Variants in CCT6B observed in about 807,000 individuals in gnomAD.
CCT6B encodes chaperonin containing TCP1 subunit 6B.
A neutral mutation model predicts 61.5 loss-of-function variants in CCT6B; 49 were observed. The observed-to-expected ratio is 0.80, with a 90% CI of 0.63 to 1.01. The LOEUF (loss-of-function observed/expected upper bound fraction) is 1.01. Ranked by LOEUF, CCT6B falls within the 50% of genes least tolerant of loss-of-function variation. The pLI is 0.00. For synonymous variants in CCT6B, 228 were observed against 214.5 expected (o/e 1.06, Z -0.55); for missense variants, 666 against 634.7 (o/e 1.05, Z -0.53).
intron 7 of CCT6B, 151 bp from the exon 8 acceptor site, chr17:34,940,772 T>C (rs2090154703): frequency 5.3e-6 from 2 of 376,998 alleles, no homozygotes; most frequent in African/African-American, 2.1e-5. Flanking sequence ...ATTTGTATTA[T>C]AAAAACTGAG....
intron 3 of CCT6B, among the ~76,000 whole-genome samples, chr17:34,956,810 C>G (rs1421197717): frequency 6.6e-6 from 1 of 151,932 alleles, no homozygotes; most frequent in Non-Finnish European, 1.5e-5. Context: ...CCTCTCTTCT[C>G]TCTCTCTCTT....
At chr17:34,930,367 C>A (rs1314793535) in intron 12 of CCT6B, among the ~76,000 whole-genome samples, 1 of 152,174 alleles carries the variant, frequency 6.6e-6, no homozygotes, top group African/African-American at 2.4e-5. Flanking sequence ...GTCCAAATGC[C>A]CCTGCATGAT....
chr17:34,953,733 C>T (rs2090317906), intron 4 of CCT6B, among the ~76,000 whole-genome samples: 3 of 152,060 alleles, frequency 2.0e-5, no homozygotes, highest in South Asian at 2.1e-4. Context: ...GTGGGTGTAT[C>T]ATTTGAGGTC....
chr17:34,942,704 T>C (rs1239835130), intron 6 of CCT6B, 61 bp from the exon 7 acceptor site: 3 of 1,486,020 alleles, frequency 2.0e-6, no homozygotes, highest in Non-Finnish European at 1.8e-6. Context: ...AAGATAGAAG[T>C]AGTCTACACC....
At position 34,958,559 on chromosome 17, in the gene CCT6B, C is replaced by T; in HGVS notation, c.336+1G>A. 1 of 1,510,226 alleles carries T rather than the reference C, an allele frequency of 6.6e-7. No individual in the cohort carries two copies. The allele number at this position is 1,510,226 out of a possible 1,614,324, so 93.6% of individuals were successfully genotyped here. ...ACATATAAACTGTGAAATTCTAATA[C>T]CTCAGAAATGTACAGGTCAGCTTGT... On this transcript the variant is annotated splice_donor_variant, in intron 3 of 13. Coordinates refer to ENST00000314144, the MANE Select transcript of CCT6B (RefSeq NM_006584.4). LOFTEE classifies it high-confidence loss of function.
intron 5 of CCT6B, among the ~76,000 whole-genome samples, chr17:34,949,176 C>A (rs1266930418): frequency 1.3e-5 from 2 of 151,428 alleles, no homozygotes; most frequent in Non-Finnish European, 2.9e-5. Flanking sequence ...AAAGAAAAGG[C>A]CGAGCACGGT....
At chr17:34,955,936 C>T (rs2090342892) in intron 3 of CCT6B, among the ~76,000 whole-genome samples, 1 of 152,070 alleles carries the variant, frequency 6.6e-6, no homozygotes, top group African/African-American at 2.4e-5. Context: ...GACTTTAGAG[C>T]CTATGTTATT....
chr17:34,958,825 T>A, intron 2 of CCT6B, 131 bp from the exon 3 acceptor site: 3 of 599,520 alleles, frequency 5.0e-6, no homozygotes, highest in Non-Finnish European at 2.6e-6. Context: ...AGTTTACAAG[T>A]TTTGTATTAT....
chr17:34,952,130 C>T, intron 4 of CCT6B, 77 bp from the exon 5 acceptor site: 1 of 858,692 alleles, frequency 1.2e-6, no homozygotes. Flanking sequence ...AATCTATCAC[C>T]AGACTAAGGA....
At chr17:34,938,564 T>A (rs992357940) in intron 10 of CCT6B, among the ~76,000 whole-genome samples, 6 of 151,560 alleles carry the variant, frequency 4.0e-5, no homozygotes, top group Non-Finnish European at 8.8e-5. Context: ...TTGAGAAAAA[T>A]ATATATATGT....
At position 34,958,667 on chromosome 17, in the gene CCT6B, T is replaced by C. The variant is rs376822178; in HGVS notation, c.229A>G (p.Ile77Val). The change falls in exon 3 of 14, where the codon ATA (isoleucine) becomes GTA (valine). Residue 77 changes from isoleucine to valine, a missense_variant. Physicochemically the swap from Ile to Val is conservative, Grantham distance 29 (BLOSUM62 3). Transcript: ENST00000314144. ...MQIQHPTASL[I>V]AKVATAQDDV... Reference sequence around the variant, plus strand: ...TCCTGAGCTGTTGCTACTTTTGCTATCAAGGAAGCTGTTGGATGTTGAATT... The same window carrying C: ...TCCTGAGCTGTTGCTACTTTTGCTACCAAGGAAGCTGTTGGATGTTGAATT... The C allele has an allele frequency of 1.2e-6, 2 of 1,601,690 alleles. No individual in the cohort carries two copies. The highest frequency in any genetic ancestry group is 1.3e-5 in the African/African-American group (1 of 74,540).
chr17:34,949,831 T>C (rs1282389530), intron 5 of CCT6B: 2 of 152,182 alleles, frequency 1.3e-5, no homozygotes, highest in Non-Finnish European at 1.5e-5. Context: ...ACTCAGTAAT[T>C]GACAGAATAA....
intron 3 of CCT6B, among the ~76,000 whole-genome samples, chr17:34,956,439 T>G (rs1211859467): frequency 6.6e-6 from 1 of 152,170 alleles, no homozygotes; most frequent in African/African-American, 2.4e-5. Context: ...CCCTCCAGCC[T>G]CAGTGATTCC....
At chr17:34,938,113 C>A (rs974392104) in intron 10 of CCT6B, among the ~76,000 whole-genome samples, 2 of 152,074 alleles carry the variant, frequency 1.3e-5, no homozygotes, top group African/African-American at 2.4e-5. Context: ...TGGTTTCCAA[C>A]TCCTGGGCTC....
chr17:34,939,480 G>C, intron 9 of CCT6B, 137 bp downstream of exon 9: 2 of 823,378 alleles, frequency 2.4e-6, no homozygotes, highest in Non-Finnish European at 3.8e-6. Flanking sequence ...CAAACATTTA[G>C]GTAAATAAAC....
intron 1 of CCT6B, 35 bp from the exon 2 acceptor site, chr17:34,959,685 T>C (rs747323489): frequency 2.0e-6 from 3 of 1,468,830 alleles, no homozygotes; most frequent in Non-Finnish European, 2.9e-6. Context: ...CTTCATGTGG[T>C]AGGAAGACAT....
chr17:34,929,338 C>T (rs2090007689), intron 12 of CCT6B, among the ~76,000 whole-genome samples: 2 of 152,226 alleles, frequency 1.3e-5, no homozygotes, highest in African/African-American at 4.8e-5. Flanking sequence ...TCCTCCCTGA[C>T]CTCTTAACGT....
In CCT6B at chr17:34,961,362, G is replaced by T. The variant is rs759383246; in HGVS notation, c.32C>A (p.Ala11Asp). Reference sequence around the variant, plus strand: ...AGCTGCCCGGGCCCGCGCCACCTCAGCCTTGGAGTTGACGGCCTTTATCGC... The same window carrying T: ...AGCTGCCCGGGCCCGCGCCACCTCATCCTTGGAGTTGACGGCCTTTATCGC... Reference protein sequence around the residue: MAAIKAVNSKAEVARARAALA... With the variant: MAAIKAVNSKDEVARARAALA... Residue 11 changes from alanine to aspartate, a missense_variant, in exon 1 of 14, where the codon GCT becomes GAT. Coordinates refer to ENST00000314144, the MANE Select transcript of CCT6B (RefSeq NM_006584.4). 1 of 1,611,354 alleles carries T rather than the reference G, an allele frequency of 6.2e-7. No homozygotes were observed. The highest frequency in any genetic ancestry group is 8.5e-7 in the Non-Finnish European group (1 of 1,179,742).
At chr17:34,961,228 C>T (rs1387747972) in intron 1 of CCT6B, 29 bp downstream of exon 1, 3 of 1,581,354 alleles carry the variant, frequency 1.9e-6, no homozygotes, top group South Asian at 1.2e-5. Flanking sequence ...CCCCTAGCCG[C>T]GTAATGGCCG....
Sources: allele counts gnomAD v4.1 joint callset (sites outside exome capture counted in the v4.1 genomes callset), GRCh38; gene constraint gnomAD v4.1.1; transcripts MANE v1.5; gene names NCBI Gene and HGNC (gene_info 2026-07-23, HGNC 2026-07-21).